Variants in RASAL2 observed in about 807,000 individuals in gnomAD.
The protein encoded by RASAL2 is ras GTPase-activating protein nGAP.
RASAL2 carries 58 observed loss-of-function variants against 128.9 expected under a neutral mutation model. The ratio of observed to expected loss-of-function variants is 0.45; its 90% CI spans 0.36 to 0.56. RASAL2 has a LOEUF of 0.56. RASAL2 is among the 20% of genes least tolerant of loss of function. RASAL2 has a pLI of 0.00. For missense variants in RASAL2, 1,360 were observed against 1,601.6 expected (o/e 0.85, Z 2.57); for synonymous variants, 561 against 580.8 (o/e 0.97, Z 0.49).
intron 1 of RASAL2, among the ~76,000 whole-genome samples, chr1:178,192,779 T>A (rs1474382189): frequency 1.3e-5 from 2 of 152,212 alleles, no homozygotes; most frequent in Non-Finnish European, 2.9e-5. Context: ...CTTCCTCCTC[T>A]GAGTCTGGCC....
intron 1 of RASAL2, among the ~76,000 whole-genome samples, chr1:178,184,293 A>G (rs1662216165): frequency 6.6e-6 from 1 of 151,896 alleles, no homozygotes; most frequent in Non-Finnish European, 1.5e-5. Context: ...AAAGAATTTA[A>G]TTTTAATTAA....
chr1:178,277,955 T>C (rs1001571590), intron 1 of RASAL2, among the ~76,000 whole-genome samples: 2 of 152,180 alleles, frequency 1.3e-5, no homozygotes, highest in Non-Finnish European at 2.9e-5. Flanking sequence ...CAGTGTAGTG[T>C]CTGTTATTGT....
intron 1 of RASAL2, among the ~76,000 whole-genome samples, chr1:178,095,879 G>A (rs1658662225): frequency 6.6e-6 from 1 of 152,164 alleles, no homozygotes; most frequent in Admixed American, 6.5e-5. Context: ...CATCTGTAAA[G>A]TGAGTGGATT....
chr1:178,338,266 A>AT (rs1669695587), intron 3 of RASAL2, among the ~76,000 whole-genome samples: 1 of 151,816 alleles, frequency 6.6e-6, no homozygotes, highest in Non-Finnish European at 1.5e-5. Context: ...AGTAGATGGG[A>AT]TTACAGGCAT....
intron 1 of RASAL2, among the ~76,000 whole-genome samples, chr1:178,265,393 GAATT>G (rs1665900347): frequency 6.6e-6 from 1 of 152,066 alleles, no homozygotes; most frequent in African/African-American, 2.4e-5. Context: ...CAAATAGCTG[GAATT>G]ACAGTTTCCC....
intron 1 of RASAL2, among the ~76,000 whole-genome samples, chr1:178,273,119 A>G (rs1197040347): frequency 6.6e-6 from 1 of 152,184 alleles, no homozygotes; most frequent in Non-Finnish European, 1.5e-5. Context: ...TCCCAATAGG[A>G]TTGTATTTCA....
chr1:178,223,140 C>T (rs999305168), intron 1 of RASAL2, among the ~76,000 whole-genome samples: 5 of 152,118 alleles, frequency 3.3e-5, no homozygotes, highest in African/African-American at 1.2e-4. Context: ...ATTAATTCAA[C>T]AAATATTTAT....
chr1:178,243,621 GACA>G (rs1038744562), intron 1 of RASAL2, among the ~76,000 whole-genome samples: 5 of 145,752 alleles, frequency 3.4e-5, no homozygotes, highest in African/African-American at 7.8e-5. Flanking sequence ...AAAAAAAAAT[GACA>G]ACAACAAAAT....
chr1:178,120,905 A>G (rs1188188588), intron 1 of RASAL2: 1 of 152,288 alleles, frequency 6.6e-6, no homozygotes, highest in Admixed American at 6.5e-5. Flanking sequence ...CATGGCGAAC[A>G]GCTGTAAATA....
intron 5 of RASAL2, among the ~76,000 whole-genome samples, chr1:178,422,256 G>A (rs1202693447): frequency 6.6e-6 from 1 of 151,998 alleles, no homozygotes; most frequent in Non-Finnish European, 1.5e-5. Flanking sequence ...GAATTACCAA[G>A]AGATTATATT....
chr1:178,161,291 A>C (rs1258446243), intron 1 of RASAL2, among the ~76,000 whole-genome samples: 1 of 152,138 alleles, frequency 6.6e-6, no homozygotes, highest in African/African-American at 2.4e-5. Context: ...CCCCTCCCTC[A>C]GGCCCTGGCA....
chr1:178,111,751 A>G (rs774014167), intron 1 of RASAL2, among the ~76,000 whole-genome samples: 25 of 152,126 alleles, frequency 1.6e-4, no homozygotes, highest in Non-Finnish European at 2.4e-4. Flanking sequence ...TTGTTTTAAG[A>G]TGGAGTCTTG....
chr1:178,242,423 T>TTCTCTC (rs58914415), intron 1 of RASAL2, among the ~76,000 whole-genome samples: 27 of 85,258 alleles, frequency 3.2e-4, no homozygotes, highest in South Asian at 5.0e-4. Flanking sequence ...TTATAATTCA[T>TTCTCTC]TCTCTCTCTC....
rs1661929107 is a variant in RASAL2 at position 178,177,275 on chromosome 1, A to C, written c.202+82581A>C. On this transcript the variant is annotated intron_variant, in intron 1 of 17. Transcript: ENST00000367649. Reference sequence around the variant, plus strand: ...GGATCAGTGTTACTTGGGATTCAGCAATTATGCTGTGATCTTGAATTGCAT... The same window carrying C: ...GGATCAGTGTTACTTGGGATTCAGCCATTATGCTGTGATCTTGAATTGCAT... Among the ~76,000 whole-genome samples the C allele has an allele frequency of 2.0e-5, 3 of 152,202 alleles. No homozygotes were observed. The South Asian group carries it at 6.2e-4, about 32-fold the overall frequency.
chr1:178,387,601 A>G (rs1571979428), intron 3 of RASAL2, among the ~76,000 whole-genome samples: 1 of 142,162 alleles, frequency 7.0e-6, no homozygotes, highest in South Asian at 2.2e-4. Flanking sequence ...TTCAGTTCCC[A>G]CCTATGAGTG....
At chr1:178,430,072 A>G (rs538358469) in intron 5 of RASAL2, among the ~76,000 whole-genome samples, 4 of 152,232 alleles carry the variant, frequency 2.6e-5, no homozygotes, top group East Asian at 3.9e-4. Flanking sequence ...CCAGGATACA[A>G]TCTTTGTATC....
intron 3 of RASAL2, among the ~76,000 whole-genome samples, chr1:178,344,746 G>T (rs758814155): frequency 1.5e-4 from 23 of 152,274 alleles, no homozygotes; most frequent in Non-Finnish European, 3.2e-4. Context: ...TATTTGAGTT[G>T]CATAAACTTT....
chr1:178,346,532 T>C (rs1205294254), intron 3 of RASAL2, among the ~76,000 whole-genome samples: 5 of 152,198 alleles, frequency 3.3e-5, no homozygotes, highest in Non-Finnish European at 7.3e-5. Flanking sequence ...AAACAATAAA[T>C]ACGCTATTAT....
chr1:178,246,978 T>C (rs1272657744), intron 1 of RASAL2, among the ~76,000 whole-genome samples: 2 of 152,206 alleles, frequency 1.3e-5, no homozygotes, highest in South Asian at 4.1e-4. Flanking sequence ...CAGTATTTTA[T>C]TGAGGATTAT....
Sources: gnomAD v4.1 joint callset for allele counts (sites outside exome capture counted in the v4.1 genomes callset) on GRCh38, gnomAD v4.1.1 for gene constraint, MANE v1.5 for transcripts, NCBI Gene and HGNC (gene_info 2026-07-23, HGNC 2026-07-21) for gene names.